The following INVS variants were observed in gnomAD, a reference collection of about 807,000 sequenced individuals.
The protein encoded by INVS is inversion of embryo turning homolog.
Under a neutral mutation model 108.8 loss-of-function variants are expected in INVS, and 86 were observed. That is an observed-to-expected ratio of 0.79 (90% CI 0.66 to 0.95). The LOEUF (loss-of-function observed/expected upper bound fraction) is 0.95, where lower values mean the gene tolerates loss of function less well. Ranked by LOEUF, INVS falls within the 40% of genes least tolerant of loss-of-function variation. The pLI is 0.00. For missense variants in INVS, 1,169 were observed against 1,297.4 expected (o/e 0.90, Z 1.52); for synonymous variants, 455 against 473.5 (o/e 0.96, Z 0.51).
intron 3 of INVS, among the ~76,000 whole-genome samples, chr9:100,207,098 C>T (rs1830695500): frequency 6.6e-6 from 1 of 152,024 alleles, no homozygotes; most frequent in Non-Finnish European, 1.5e-5. Flanking sequence ...TCTGCTGTGA[C>T]GTCACTATTT....
intron 11 of INVS, among the ~76,000 whole-genome samples, chr9:100,270,131 T>G (rs1832907052): frequency 6.6e-6 from 1 of 151,990 alleles, no homozygotes; most frequent in Admixed American, 6.6e-5. Context: ...ATTTTTTTTT[T>G]GCAGTGTTTT....
Position 100,284,295 on chromosome 9 carries a change from T to G in INVS, c.1785-25T>G, listed in dbSNP as rs372530100. The G allele has an allele frequency of 4.7e-5, 76 of 1,612,938 alleles. No homozygotes were observed. The African/African-American group carries it at 9.6e-4, about 20-fold the overall frequency. On this transcript the variant is annotated intron_variant, in intron 12 of 16. Coordinates refer to ENST00000262457, the MANE Select transcript of INVS (RefSeq NM_014425.5). ...AGGTGATACTCTTTAAATTTTTTCA[T>G]CTTCTTCTTTGGCTTTGCTTCCAGA... is the stretch of plus-strand genomic sequence containing the variant.
At chr9:100,287,159 C>G (rs935330286) in intron 13 of INVS, among the ~76,000 whole-genome samples, 5 of 152,172 alleles carry the variant, frequency 3.3e-5, no homozygotes, top group Admixed American at 1.3e-4. Context: ...AAATGTCTAG[C>G]AATTGATGCT....
chr9:100,284,552 G>T lies in INVS; in HGVS notation c.2017G>T (p.Glu673Ter). 2 of 1,613,906 alleles carry T rather than the reference G, an allele frequency of 1.2e-6. No individual in the cohort carries two copies. The highest frequency in any genetic ancestry group is 1.7e-6 in the Non-Finnish European group (2 of 1,179,844). Residue 673 changes from glutamate (E) to a stop codon, truncating the protein, a stop_gained, in exon 13 of 17, where the codon GAG (glutamate) becomes TAG (stop). Coordinates refer to ENST00000262457, the MANE Select transcript of INVS (RefSeq NM_014425.5). LOFTEE classifies it high-confidence loss of function. ...GTCTCTAGGCGGAGCCCTCCAGAAG[G>T]AGCAGCATGTTTCCTCAGATTTGCA... is the stretch of plus-strand genomic sequence containing the variant. Reference protein sequence around the residue: ...GGSLGGALQKEQHVSSDLQGT... With the variant: ...GGSLGGALQK
At chr9:100,259,521 G>A (rs1832539763) in intron 10 of INVS, among the ~76,000 whole-genome samples, 1 of 151,256 alleles carries the variant, frequency 6.6e-6, no homozygotes, top group Admixed American at 6.6e-5. Context: ...GCTGTAGACT[G>A]GAGCTGTTCC....
chr9:100,186,184 C>G (rs747918629), intron 3 of INVS, among the ~76,000 whole-genome samples: 15 of 152,010 alleles, frequency 9.9e-5, no homozygotes, highest in Admixed American at 1.3e-4. Context: ...GAGTTTCACT[C>G]CGTCACCCAG....
chr9:100,199,415 A>AT (rs1376086386), intron 3 of INVS, among the ~76,000 whole-genome samples: 1 of 151,890 alleles, frequency 6.6e-6, no homozygotes, highest in Admixed American at 6.6e-5. Flanking sequence ...TCATCTTATT[A>AT]TTTTTATTTT....
chr9:100,189,585 G>A (rs1830161031), intron 3 of INVS, among the ~76,000 whole-genome samples: 1 of 151,420 alleles, frequency 6.6e-6, no homozygotes, highest in African/African-American at 2.4e-5. Context: ...CTCCACTATG[G>A]TCTGAAAAGA....
chr9:100,227,080 G>C (rs774830901), intron 4 of INVS, among the ~76,000 whole-genome samples: 1 of 152,134 alleles, frequency 6.6e-6, no homozygotes, highest in Non-Finnish European at 1.5e-5. Flanking sequence ...ATGGAAAAAG[G>C]TTAATAGGAT....
chr9:100,116,144 C>T (rs1435531046), intron 2 of INVS, among the ~76,000 whole-genome samples: 1 of 150,430 alleles, frequency 6.6e-6, no homozygotes, highest in Non-Finnish European at 1.5e-5. Flanking sequence ...TACTCTGTCA[C>T]CTAAGCTGGA....
intron 3 of INVS, among the ~76,000 whole-genome samples, chr9:100,202,351 G>A (rs1026701373): frequency 6.6e-6 from 1 of 152,100 alleles, no homozygotes; most frequent in African/African-American, 2.4e-5. Context: ...TTAAAGATAT[G>A]GTCAACTTTT....
At chr9:100,291,920 T>C (rs1265978256) in intron 13 of INVS, among the ~76,000 whole-genome samples, 2 of 152,222 alleles carry the variant, frequency 1.3e-5, no homozygotes, top group Non-Finnish European at 2.9e-5. Flanking sequence ...TCATTTTCTG[T>C]TCTTATGTAG....
intron 12 of INVS, among the ~76,000 whole-genome samples, chr9:100,279,903 G>A (rs1833226232): frequency 6.6e-6 from 1 of 152,134 alleles, no homozygotes; most frequent in African/African-American, 2.4e-5. Flanking sequence ...GGCACATAGT[G>A]GGGTAGAAAA....
At chr9:100,268,037 C>T (rs527606187) in intron 11 of INVS, among the ~76,000 whole-genome samples, 8 of 152,094 alleles carry the variant, frequency 5.3e-5, no homozygotes, top group South Asian at 2.1e-4. Flanking sequence ...GTCCCGATCC[C>T]GACCCCAAGA....
rs566291689 is a variant in INVS at position 100,166,336 on chromosome 9, C to T, written c.273+39787C>T. Among the ~76,000 whole-genome samples the T allele has an allele frequency of 7.2e-5, 11 of 152,176 alleles. No individual in the cohort carries two copies. In the South Asian group the frequency reaches 2.3e-3, roughly 32 times the overall value. On this transcript the variant is annotated intron_variant, in intron 3 of 16. Coordinates refer to ENST00000262457, the MANE Select transcript of INVS (RefSeq NM_014425.5). Reference sequence around the variant, plus strand: ...CCAGCCCTGGCAACATAGGAAGACCCCATCTCTACAAACAACAACAACAAA... The same window carrying T: ...CCAGCCCTGGCAACATAGGAAGACCTCATCTCTACAAACAACAACAACAAA...
intron 3 of INVS, among the ~76,000 whole-genome samples, chr9:100,172,561 G>A (rs1216544425): frequency 1.3e-5 from 2 of 152,190 alleles, no homozygotes; most frequent in Non-Finnish European, 2.9e-5. Flanking sequence ...AAGGACAGAA[G>A]CTTGGTACTG....
chr9:100,123,000 A>G (rs1827776293), intron 2 of INVS, among the ~76,000 whole-genome samples: 1 of 152,032 alleles, frequency 6.6e-6, no homozygotes, highest in South Asian at 2.1e-4. Flanking sequence ...AGAACACTGC[A>G]TGTTCCTTCT....
At chr9:100,239,509 C>T (rs1588113804) in intron 5 of INVS, among the ~76,000 whole-genome samples, 1 of 152,112 alleles carries the variant, frequency 6.6e-6, no homozygotes, top group South Asian at 2.1e-4. Flanking sequence ...AAAATGTTGA[C>T]ACCTTTTTAA....
chr9:100,109,181 C>T (rs1192328840), intron 2 of INVS, among the ~76,000 whole-genome samples: 6 of 152,164 alleles, frequency 3.9e-5, no homozygotes, highest in Admixed American at 3.9e-4. Flanking sequence ...TAAGTTCTAA[C>T]TGTTATTTAT....
Sources: allele counts gnomAD v4.1 joint callset (sites outside exome capture counted in the v4.1 genomes callset), GRCh38; gene constraint gnomAD v4.1.1; transcripts MANE v1.5; gene names NCBI Gene and HGNC (gene_info 2026-07-23, HGNC 2026-07-21).